G3BP2: variants seen among roughly 807,000 people sequenced by gnomAD.
The protein encoded by G3BP2 is G3BP stress granule assembly factor 2.
Under a neutral mutation model 56.7 loss-of-function variants are expected in G3BP2, and 11 were observed. The ratio of observed to expected loss-of-function variants is 0.19; its 90% CI spans 0.12 to 0.32. G3BP2 has a LOEUF of 0.32. Ranked by LOEUF, G3BP2 falls within the 10% of genes least tolerant of loss-of-function variation. G3BP2 has a pLI of 1.00. For missense variants in G3BP2, 340 were observed against 610.9 expected (o/e 0.56, Z 4.67); for synonymous variants, 165 against 191.6 (o/e 0.86, Z 1.15).
chr4:75,645,420 C>G lies in G3BP2; in HGVS notation c.*10G>C. Reference sequence around the variant, plus strand: ...TGTACCACTGCCAAGACTTTGCCAACAGTGGAGCTTCAGCGACGCTGTCCT... The same window carrying G: ...TGTACCACTGCCAAGACTTTGCCAAGAGTGGAGCTTCAGCGACGCTGTCCT... On this transcript the variant is annotated 3_prime_UTR_variant, in exon 12 of 12. Coordinates refer to ENST00000359707, the MANE Select transcript of G3BP2 (RefSeq NM_203505.3). The G allele has an allele frequency of 6.2e-7, 1 of 1,608,748 alleles. No individual in the cohort carries two copies. The highest frequency in any genetic ancestry group is 8.5e-7 in the Non-Finnish European group (1 of 1,176,766).
chr4:75,676,687 C>T (rs1384501254), upstream of G3BP2, among the ~76,000 whole-genome samples: 1 of 152,190 alleles, frequency 6.6e-6, no homozygotes, highest in Non-Finnish European at 1.5e-5. Flanking sequence ...TATAGTAGTC[C>T]AGGCCACCAT....
chr4:75,717,341 G>A (rs1719968054), intron 3 of G3BP2, among the ~76,000 whole-genome samples: 1 of 152,188 alleles, frequency 6.6e-6, no homozygotes, highest in African/African-American at 2.4e-5. Context: ...GCAGGAGGCT[G>A]AGATGGGAGG....
chr4:75,710,664 G>C (rs753725970), intron 3 of G3BP2, among the ~76,000 whole-genome samples: 1 of 152,016 alleles, frequency 6.6e-6, no homozygotes, highest in Non-Finnish European at 1.5e-5. Flanking sequence ...AGTCTGTCTG[G>C]CTTTATTTAT....
In G3BP2 at chr4:75,648,732, C is replaced by T; in HGVS notation, c.835G>A (p.Glu279Lys). Residue 279 changes from glutamate to lysine, a missense_variant, in exon 9 of 12, where the codon GAA (glutamate) becomes AAA (lysine). This residue lies in a region of G3BP2 where 224 missense variants were observed against 332.5 expected (regional missense o/e 0.67). Transcript: ENST00000359707. ...TGAGATTGAACTTCTGGTTTAGCTT[C>T]GACTCTTGGCTAAAATATAAAGAAA... ...VKAPVSQPRVEAKPEVQSQPP... is the reference protein window; with the variant it reads ...VKAPVSQPRVKAKPEVQSQPP... 2 of 1,596,336 alleles carry T rather than the reference C, an allele frequency of 1.3e-6. No individual in the cohort carries two copies. The highest frequency in any genetic ancestry group is 1.7e-6 in the Non-Finnish European group (2 of 1,165,248).
intron 3 of G3BP2, among the ~76,000 whole-genome samples, chr4:75,688,060 T>C (rs1231105058): frequency 6.6e-6 from 1 of 152,230 alleles, no homozygotes; most frequent in Non-Finnish European, 1.5e-5. Flanking sequence ...GGAAGGTGCA[T>C]ACTGCCACTG....
chr4:75,676,046 G>A (rs1224479727), upstream of G3BP2, among the ~76,000 whole-genome samples: 1 of 152,128 alleles, frequency 6.6e-6, no homozygotes, highest in Non-Finnish European at 1.5e-5. Context: ...AAGATTCAGC[G>A]ATCTTCAATG....
chr4:75,672,156 G>A (rs1268193478), intron 1 of G3BP2, among the ~76,000 whole-genome samples: 1 of 152,132 alleles, frequency 6.6e-6, no homozygotes, highest in Non-Finnish European at 1.5e-5. Flanking sequence ...AAAAGTGCAA[G>A]TGCCTTTTTT....
intron 9 of G3BP2, 50 bp from the exon 10 acceptor site, chr4:75,647,207 T>C (rs772936382): frequency 8.1e-7 from 1 of 1,238,004 alleles, no homozygotes; most frequent in Non-Finnish European, 1.1e-6. Flanking sequence ...TCATAAAAAC[T>C]ACTTCAAAGG....
At chr4:75,674,718 ATTTTTT>A (rs71203842), upstream of G3BP2, among the ~76,000 whole-genome samples, 129 of 71,404 alleles carry the variant, frequency 1.8e-3, 1 homozygote, top group Middle Eastern at 8.1e-3. Context: ...ATATATATAT[ATTTTTT>A]TTTTTTTTTT....
chr4:75,657,206 C>T (rs1020511771), intron 4 of G3BP2, among the ~76,000 whole-genome samples, 192 bp from the exon 5 acceptor site: 2 of 152,104 alleles, frequency 1.3e-5, no homozygotes, highest in African/African-American at 4.8e-5. Context: ...TAGCAAAACT[C>T]GCAATTACTT....
In G3BP2 at chr4:75,673,216, A is replaced by G; in HGVS notation, c.-33T>C. The G allele has an allele frequency of 8.3e-7, 1 of 1,208,712 alleles. No individual in the cohort carries two copies. Among genetic ancestry groups the G allele is most frequent in the Non-Finnish European group, 1.0e-6 (1 of 973,526 alleles). The allele number at this position is 1,208,712 out of a possible 1,614,324, so 74.9% of individuals were successfully genotyped here. On this transcript the variant is annotated 5_prime_UTR_variant, in exon 1 of 12. Transcript: ENST00000359707. Reference sequence around the variant, plus strand: ...CCGGCGCCCGTACACACCTCCAGCCAACGGCGGCGGCGGGTACGTCGCGCG... The same window carrying G: ...CCGGCGCCCGTACACACCTCCAGCCGACGGCGGCGGCGGGTACGTCGCGCG...
At chr4:75,720,971 T>TC (rs1720148352) in intron 2 of G3BP2, among the ~76,000 whole-genome samples, 1 of 52,350 alleles carries the variant, frequency 1.9e-5, no homozygotes, top group Non-Finnish European at 3.2e-5. Context: ...ACTTCATCTC[T>TC]ACAAAAAAAA....
At chr4:75,687,105 A>T (rs74827450) in intron 3 of G3BP2, among the ~76,000 whole-genome samples, 290 of 147,814 alleles carry the variant, frequency 2.0e-3, no homozygotes, top group Middle Eastern at 3.5e-3. Flanking sequence ...TAAAAGCAGT[A>T]TTTTTTTTTT....
chr4:75,718,288 TAAAAATGG>T (rs1313393442), intron 3 of G3BP2, among the ~76,000 whole-genome samples: 1 of 151,572 alleles, frequency 6.6e-6, no homozygotes, highest in African/African-American at 2.4e-5. Context: ...TGTATTTTCT[TAAAAATGG>T]AAACACACCT....
upstream of G3BP2, among the ~76,000 whole-genome samples, chr4:75,676,787 T>C (rs1178901304): frequency 1.8e-4 from 27 of 152,204 alleles, no homozygotes; most frequent in Admixed American, 1.6e-3. Flanking sequence ...AGATCTTTCA[T>C]AGTTATAATT....
chr4:75,695,812 A>G (rs1239763148), intron 3 of G3BP2, among the ~76,000 whole-genome samples: 2 of 152,076 alleles, frequency 1.3e-5, no homozygotes, highest in African/African-American at 4.8e-5. Flanking sequence ...CGTCTCTACT[A>G]AAAATACAAA....
chr4:75,717,645 G>A (rs900511088), intron 3 of G3BP2, among the ~76,000 whole-genome samples: 11 of 152,248 alleles, frequency 7.2e-5, no homozygotes, highest in South Asian at 2.1e-4. Context: ...CACCCAATGC[G>A]AACTTCAAAG....
intron 3 of G3BP2, among the ~76,000 whole-genome samples, chr4:75,707,340 T>C (rs1388661763): frequency 1.3e-5 from 2 of 151,864 alleles, no homozygotes; most frequent in East Asian, 3.9e-4. Context: ...AAGACAATTA[T>C]CGGCAGCGCC....
chr4:75,692,295 G>A (rs561582988), intron 3 of G3BP2, among the ~76,000 whole-genome samples: 1 of 152,048 alleles, frequency 6.6e-6, no homozygotes, highest in African/African-American at 2.4e-5. Context: ...CTCAGGATTT[G>A]GTAACCAGAC....
Sources: gnomAD v4.1 joint callset for allele counts (sites outside exome capture counted in the v4.1 genomes callset) on GRCh38, gnomAD v4.1.1 for gene constraint, gnomAD v4.1.1 regional missense constraint, MANE v1.5 for transcripts, NCBI Gene and HGNC (gene_info 2026-07-23, HGNC 2026-07-21) for gene names.